Variants in NCOA2 observed in about 807,000 individuals in gnomAD.
The protein encoded by NCOA2 is nuclear receptor coactivator 2, also known as class E basic helix-loop-helix protein 75.
NCOA2 carries 21 observed loss-of-function variants against 145.1 expected under a neutral mutation model. The observed-to-expected ratio is 0.14, with a 90% CI of 0.10 to 0.21. The LOEUF is 0.21. Among genes scored for constraint, NCOA2 ranks in the 10% least tolerant of loss-of-function variants. The pLI, the probability that NCOA2 is intolerant of heterozygous loss-of-function variation, is 1.00. For synonymous variants in NCOA2, 619 were observed against 637.5 expected (o/e 0.97, Z 0.44); for missense variants, 1,472 against 1,837.6 (o/e 0.80, Z 3.64).
chr8:70,426,501 C>T, the NCOA2 span, among the ~76,000 whole-genome samples: 7 of 151,982 alleles, frequency 4.6e-5, no homozygotes, highest in African/African-American at 1.7e-4. Context: ...ACTAAAAGAC[C>T]AGCAGAAAAC....
chr8:70,413,913 C>T, the NCOA2 span, among the ~76,000 whole-genome samples: 4 of 152,106 alleles, frequency 2.6e-5, no homozygotes, highest in South Asian at 2.1e-4. Flanking sequence ...CAGTTGGTCT[C>T]GTGCCCCACC....
rs1806395632 is a variant in NCOA2 at position 70,109,902 on chromosome 8, T to TA, written c.*3729dup. ...ATCAGCAAAGCAATATTAACTTGCATAAATGTATTTAAAATTTCTCTGAAT... is the reference window on the plus strand; with the variant it reads ...ATCAGCAAAGCAATATTAACTTGCATAAAATGTATTTAAAATTTCTCTGAAT... On this transcript the variant is annotated 3_prime_UTR_variant, in exon 23 of 23. Transcript: ENST00000452400. 1 of 183,896 alleles carries TA rather than the reference T, an allele frequency of 5.4e-6. No homozygotes were observed. The highest frequency in any genetic ancestry group is 2.3e-5 in the African/African-American group (1 of 42,640). 11.4% of individuals were successfully genotyped at this position (183,896 alleles called of 1,614,324 possible).
At chr8:70,280,646 G>A (rs75478908) in intron 2 of NCOA2, among the ~76,000 whole-genome samples, 2,477 of 152,222 alleles carry the variant, frequency 0.016, 68 homozygotes, top group African/African-American at 0.058. Context: ...GGTGACAGGA[G>A]AAGATACTGA....
chr8:70,440,720 AAGAG>A, the NCOA2 span, among the ~76,000 whole-genome samples: 1 of 151,482 alleles, frequency 6.6e-6, no homozygotes, highest in African/African-American at 2.4e-5. Context: ...AAGAAAGAAA[AAGAG>A]GGAGAGAGAG....
intron 1 of NCOA2, among the ~76,000 whole-genome samples, chr8:70,380,685 C>A (rs569553515): frequency 6.6e-6 from 1 of 151,944 alleles, no homozygotes; most frequent in South Asian, 2.1e-4. Context: ...TACGCTACCA[C>A]GGAACAAAAA....
chr8:70,418,645 G>A, the NCOA2 span, among the ~76,000 whole-genome samples: 1 of 152,040 alleles, frequency 6.6e-6, no homozygotes, highest in African/African-American at 2.4e-5. Flanking sequence ...CAATTACATT[G>A]GACTGCTTCT....
the NCOA2 span, among the ~76,000 whole-genome samples, chr8:70,436,286 A>G: frequency 9.2e-5 from 14 of 152,314 alleles, no homozygotes; most frequent in East Asian, 7.7e-4. Context: ...GTTCAACTAA[A>G]ATTTTAAAAT....
At chr8:70,250,009 A>AATG in intron 2 of NCOA2, among the ~76,000 whole-genome samples, 1 of 150,830 alleles carries the variant, frequency 6.6e-6, no homozygotes, top group South Asian at 2.1e-4. Context: ...AAGACCAAAA[A>AATG]ATGATGATGA....
At chr8:70,234,917 T>TA (rs1464053785) in intron 2 of NCOA2, among the ~76,000 whole-genome samples, 4 of 152,190 alleles carry the variant, frequency 2.6e-5, no homozygotes, top group African/African-American at 9.7e-5. Flanking sequence ...GCTGCATAGA[T>TA]AAAAACCATC....
At chr8:70,391,492 A>C (rs1813203699) in intron 1 of NCOA2, among the ~76,000 whole-genome samples, 1 of 152,216 alleles carries the variant, frequency 6.6e-6, no homozygotes, top group South Asian at 2.1e-4. Flanking sequence ...CTTCAGAAGG[A>C]ACATGCCATG....
At chr8:70,361,151 T>C (rs1302990722) in intron 1 of NCOA2, among the ~76,000 whole-genome samples, 1 of 152,160 alleles carries the variant, frequency 6.6e-6, no homozygotes, top group Non-Finnish European at 1.5e-5. Context: ...TATCATTTTA[T>C]AATACTAGCT....
chr8:70,138,302 C>A lies in NCOA2; in HGVS notation c.3059G>T (p.Gly1020Val). 2 of 1,612,330 alleles carry A rather than the reference C, an allele frequency of 1.2e-6. No homozygotes were observed. The highest frequency in any genetic ancestry group is 1.7e-6 in the Non-Finnish European group (2 of 1,179,042). The change falls in exon 15 of 23, where the codon GGA becomes GTA. Residue 1020 changes from glycine (G) to valine (V), a missense_variant. Transcript: ENST00000452400. Reference sequence around the variant, plus strand: ...AGCTTGTTGTTGGCTATACTGAGGTCCCCCCATGTTCATCTCTAATTCAGA... The same window carrying A: ...AGCTTGTTGTTGGCTATACTGAGGTACCCCCATGTTCATCTCTAATTCAGA... Reference protein sequence around the residue: ...GPSELEMNMGGPQYSQQQAPP... With the variant: ...GPSELEMNMGVPQYSQQQAPP...
intron 2 of NCOA2, among the ~76,000 whole-genome samples, chr8:70,264,106 G>C (rs1381670432): frequency 6.6e-6 from 1 of 152,040 alleles, no homozygotes; most frequent in Admixed American, 6.6e-5. Flanking sequence ...CAGCTACTTG[G>C]GAGGCTGAGG....
Position 70,124,882 on chromosome 8 carries a change from G to A in NCOA2, c.3917-17C>T. The A allele has an allele frequency of 6.5e-7, 1 of 1,544,002 alleles. No individual in the cohort carries two copies. Among genetic ancestry groups the A allele is most frequent in the Non-Finnish European group, 8.7e-7 (1 of 1,146,228 alleles). On this transcript the variant is annotated splice_polypyrimidine_tract_variant and intron_variant, in intron 19 of 22. Transcript: ENST00000452400. ...GACTTATTCCTTAAAAAAAAAAACAGAAACAGAAATCCAAAAGAGACTGTT... is the reference window on the plus strand; with the variant it reads ...GACTTATTCCTTAAAAAAAAAAACAAAAACAGAAATCCAAAAGAGACTGTT...
chr8:70,160,223 C>T (rs1812786613), intron 9 of NCOA2, among the ~76,000 whole-genome samples: 1 of 151,844 alleles, frequency 6.6e-6, no homozygotes, highest in South Asian at 2.1e-4. Context: ...GTTAGGACAA[C>T]AGGAAGTAAA....
intron 2 of NCOA2, among the ~76,000 whole-genome samples, chr8:70,243,597 A>T (rs1282452062): frequency 1.3e-5 from 2 of 151,902 alleles, no homozygotes; most frequent in East Asian, 3.8e-4. Context: ...AATAAGATTT[A>T]AAAATAAAGA....
intron 3 of NCOA2, among the ~76,000 whole-genome samples, chr8:70,215,769 C>T (rs1191414767): frequency 6.6e-6 from 1 of 152,218 alleles, no homozygotes; most frequent in African/African-American, 2.4e-5. Flanking sequence ...GCCCAGTTCT[C>T]ATCCACCGAA....
chr8:70,446,539 G>A, the NCOA2 span, among the ~76,000 whole-genome samples: 2 of 152,006 alleles, frequency 1.3e-5, no homozygotes, highest in African/African-American at 4.8e-5. Flanking sequence ...ATAATTCCTG[G>A]GTCATCATTA....
chr8:70,199,451 CA>C (rs1181856736), intron 4 of NCOA2, among the ~76,000 whole-genome samples: 8,081 of 76,050 alleles, frequency 0.11, 225 homozygotes, highest in East Asian at 0.16. Flanking sequence ...GACTCCATCT[CA>C]AAAAAAAAAA....
Sources: gnomAD v4.1 joint callset for allele counts (sites outside exome capture counted in the v4.1 genomes callset) on GRCh38, gnomAD v4.1.1 for gene constraint, MANE v1.5 for transcripts, NCBI Gene and HGNC (gene_info 2026-07-23, HGNC 2026-07-21) for gene names.